Variants in CLEC4C observed in about 807,000 individuals in gnomAD.
CLEC4C encodes the protein C-type lectin domain family 4 member C, also known as C-type (calcium dependent, carbohydrate-recognition domain) lectin, superfamily member 11.
A neutral mutation model predicts 27.7 loss-of-function variants in CLEC4C; 17 were observed. That is an observed-to-expected ratio of 0.61 (90% CI 0.42 to 0.92). The LOEUF is 0.92. Ranked by LOEUF, CLEC4C falls within the 40% of genes least tolerant of loss-of-function variation. The pLI is 0.00. For synonymous variants in CLEC4C, 80 were observed against 80.8 expected (o/e 0.99, Z 0.06); for missense variants, 244 against 257.3 (o/e 0.95, Z 0.35).
intron 2 of CLEC4C, among the ~76,000 whole-genome samples, chr12:7,742,660 T>C (rs751854703): frequency 6.7e-6 from 1 of 149,884 alleles, no homozygotes; most frequent in Admixed American, 6.7e-5. Context: ...AATACAAAAA[T>C]TAGCCAGGCG....
chr12:7,747,207 T>C (rs1592101401), intron 1 of CLEC4C, 111 bp downstream of exon 1: 2 of 910,202 alleles, frequency 2.2e-6, no homozygotes, highest in Admixed American at 1.8e-5. Context: ...CTATTATTTA[T>C]GAAAAGCTGT....
At chr12:7,730,105 T>C (rs1179973145) in intron 5 of CLEC4C, among the ~76,000 whole-genome samples, 1 of 152,224 alleles carries the variant, frequency 6.6e-6, no homozygotes, top group Admixed American at 6.5e-5. Flanking sequence ...AAATATTTTT[T>C]TTCCCTAGTC....
intron 3 of CLEC4C, among the ~76,000 whole-genome samples, chr12:7,739,604 G>A (rs1279496462): frequency 6.6e-6 from 1 of 152,104 alleles, no homozygotes; most frequent in East Asian, 1.9e-4. Context: ...CTGGACTAGG[G>A]AGCAACAGTT....
At chr12:7,740,609 G>A (rs1336997851) in intron 3 of CLEC4C, among the ~76,000 whole-genome samples, 1 of 151,818 alleles carries the variant, frequency 6.6e-6, no homozygotes, top group African/African-American at 2.4e-5. Context: ...GCCGAGGCAG[G>A]AGAACTGCTT....
intron 2 of CLEC4C, among the ~76,000 whole-genome samples, chr12:7,745,486 G>C (rs1259592467): frequency 7.4e-6 from 1 of 135,326 alleles, no homozygotes; most frequent in Non-Finnish European, 1.5e-5. Flanking sequence ...AGGCTGGAGT[G>C]CAGTGGCGTG....
intron 1 of CLEC4C, 123 bp from the exon 2 acceptor site, chr12:7,746,546 A>G: frequency 1.6e-6 from 1 of 615,358 alleles, no homozygotes; most frequent in East Asian, 2.9e-5. Flanking sequence ...TAAAACAGAA[A>G]AAATGTGAAA....
Position 7,737,521 on chromosome 12 carries a change from TA to T in CLEC4C, c.288del (p.Phe96LeufsTer18). ...GTCCAAGATTGCATCCCAGTAGAAA[TA>T]AAGTAGCAACTAGACTGAAATGAAG... ...PWTSFQSSCYFISTGMQSWTK... is the reference protein window; with the variant it reads ...PWTSFQSSCYXISTGMQSWTK... On this transcript the variant is annotated frameshift_variant, in exon 4 of 6. Transcript: ENST00000360345. LOFTEE classifies it high-confidence loss of function. 6.2e-7 allele frequency: 1 copy of T among 1,613,894 alleles called. No homozygotes were observed. The highest frequency in any genetic ancestry group is 8.5e-7 in the Non-Finnish European group (1 of 1,179,950).
Position 7,729,384 on chromosome 12 carries a change from G to A in CLEC4C, c.*212C>T, listed in dbSNP as rs143915790. 5.1e-4 allele frequency: 272 copies of A among 534,924 alleles called. 1 individual carries two copies. The highest frequency in any genetic ancestry group is 4.3e-3 in the African/African-American group (223 of 51,356). The allele number at this position is 534,924 out of a possible 1,614,324, so 33.1% of individuals were successfully genotyped here. On this transcript the variant is annotated 3_prime_UTR_variant, in exon 6 of 6. Coordinates refer to ENST00000360345, the MANE Select transcript of CLEC4C (RefSeq NM_001371390.1). ...AGCAGTCTCTGGCACATAGAAAAATGTTCACTAAACACTCATTTTATGAAT... is the reference window on the plus strand; with the variant it reads ...AGCAGTCTCTGGCACATAGAAAAATATTCACTAAACACTCATTTTATGAAT...
At position 7,736,254 on chromosome 12, in the gene CLEC4C, G is replaced by A. The variant is rs769785057; in HGVS notation, c.381+1175C>T. 2.0e-5 allele frequency among the ~76,000 whole-genome samples: 3 copies of A among 151,542 alleles called. No individual in the cohort carries two copies. The South Asian group carries it at 6.2e-4, about 31-fold the overall frequency. On this transcript the variant is annotated intron_variant, in intron 4 of 5. Transcript: ENST00000360345. The stretch of plus-strand genomic sequence containing the variant: ...GCCAAGACCGTGCCATTGCACTCCA[G>A]CCTGGGCGCCATTGCACTCCAGCCT...
chr12:7,740,843 G>A lies in CLEC4C; in HGVS notation c.235+578C>T, dbSNP rs546250623. The stretch of plus-strand genomic sequence containing the variant: ...CTGTTTGATACTTTAATTTTGAGGT[G>A]TCTATTTTTTTTTTTGAGACGGAGT... On this transcript the variant is annotated intron_variant, in intron 3 of 5. Transcript: ENST00000360345. Among the ~76,000 whole-genome samples the A allele has an allele frequency of 3.2e-4, 46 of 141,996 alleles. No individual in the cohort carries two copies. The South Asian group carries it at 0.01, about 31-fold the overall frequency. The allele number at this position is 141,996 out of a possible 152,430, so 93.2% of individuals were successfully genotyped here.
At chr12:7,746,088 A>G (rs928499244) in intron 2 of CLEC4C, among the ~76,000 whole-genome samples, 3 of 151,294 alleles carry the variant, frequency 2.0e-5, no homozygotes, top group Admixed American at 6.6e-5. Context: ...GGTGGCGGGC[A>G]CCTGTAGTCC....
chr12:7,731,705 A>G (rs893376493), intron 4 of CLEC4C, among the ~76,000 whole-genome samples: 5 of 152,214 alleles, frequency 3.3e-5, no homozygotes, highest in African/African-American at 1.2e-4. Flanking sequence ...AGCCATGGCC[A>G]TCATAAATCC....
At chr12:7,746,878 G>A (rs989159257) in intron 1 of CLEC4C, among the ~76,000 whole-genome samples, 2 of 152,192 alleles carry the variant, frequency 1.3e-5, no homozygotes, top group Admixed American at 1.3e-4. Flanking sequence ...AGGCTGGAGT[G>A]CAATGGCACG....
chr12:7,741,640 C>T (rs1864858542), intron 2 of CLEC4C, 109 bp from the exon 3 acceptor site: 1 of 645,264 alleles, frequency 1.5e-6, no homozygotes, highest in Non-Finnish European at 2.8e-6. Context: ...GTAATCTCAG[C>T]ACTTTAGGAG....
upstream of CLEC4C, chr12:7,747,397 G>A: frequency 1.3e-6 from 2 of 1,589,556 alleles, no homozygotes; most frequent in South Asian, 1.1e-5. Context: ...GGGTGCAGAA[G>A]CTCTTGTATC....
chr12:7,747,892 G>C (rs151172047), upstream of CLEC4C, among the ~76,000 whole-genome samples: 426 of 121,112 alleles, frequency 3.5e-3, no homozygotes, highest in Middle Eastern at 0.013. Flanking sequence ...TTGCACTCCA[G>C]CCTGGGCAAC....
intron 3 of CLEC4C, among the ~76,000 whole-genome samples, chr12:7,738,435 C>G (rs1864777462): frequency 6.6e-6 from 1 of 152,168 alleles, no homozygotes; most frequent in African/African-American, 2.4e-5. Context: ...CTCTAACAAA[C>G]AGTGACAATG....
chr12:7,748,377 T>A (rs764885739), upstream of CLEC4C, among the ~76,000 whole-genome samples: 2 of 152,126 alleles, frequency 1.3e-5, no homozygotes, highest in Admixed American at 1.3e-4. Context: ...AATACAAAAA[T>A]TAGCCAGGTG....
intron 4 of CLEC4C, among the ~76,000 whole-genome samples, chr12:7,736,353 T>C (rs1443957261): frequency 6.6e-6 from 1 of 152,026 alleles, no homozygotes; most frequent in East Asian, 1.9e-4. Flanking sequence ...CAGAAGAAAC[T>C]GTTTAAAATC....
Sources: gnomAD v4.1 joint callset for allele counts (sites outside exome capture counted in the v4.1 genomes callset) on GRCh38, gnomAD v4.1.1 for gene constraint, MANE v1.5 for transcripts, NCBI Gene and HGNC (gene_info 2026-07-23, HGNC 2026-07-21) for gene names.